MACROD2: variants seen among roughly 807,000 people sequenced by gnomAD.
MACROD2 encodes the protein mono-ADP ribosylhydrolase 2, also known as ADP-ribose glycohydrolase MACROD2.
Under a neutral mutation model 70.4 loss-of-function variants are expected in MACROD2, and 36 were observed. The ratio of observed to expected loss-of-function variants is 0.51; its 90% CI spans 0.39 to 0.68. The LOEUF (loss-of-function observed/expected upper bound fraction) is 0.68, where lower values mean the gene tolerates loss of function less well. MACROD2 is among the 30% of genes least tolerant of loss of function. MACROD2 has a pLI of 0.00. For missense variants in MACROD2, 496 were observed against 538.4 expected, an observed-to-expected ratio of 0.92 and a Z score of 0.78; for synonymous variants, 172 against 178.8, an observed-to-expected ratio of 0.96 and a Z score of 0.30.
At chr20:14,039,668 T>G (rs1303914014) in intron 2 of MACROD2, among the ~76,000 whole-genome samples, 1 of 152,130 alleles carries the variant, frequency 6.6e-6, no homozygotes, top group African/African-American at 2.4e-5. Context: ...AACATCCTGG[T>G]AAAAACATTA....
intron 3 of MACROD2, among the ~76,000 whole-genome samples, chr20:14,101,855 A>G (rs986195368): frequency 1.3e-5 from 2 of 151,804 alleles, no homozygotes; most frequent in Non-Finnish European, 2.9e-5. Context: ...GCAAATAGAC[A>G]AAATAAAACA....
intron 4 of MACROD2, among the ~76,000 whole-genome samples, chr20:14,501,509 G>A (rs1273079202): frequency 2.0e-5 from 3 of 151,204 alleles, no homozygotes; most frequent in Non-Finnish European, 4.4e-5. Flanking sequence ...AAAATTGTAT[G>A]TGTTGGTGTT....
At chr20:14,008,281 A>T (rs1292145579) in intron 2 of MACROD2, among the ~76,000 whole-genome samples, 1 of 152,238 alleles carries the variant, frequency 6.6e-6, no homozygotes, top group Non-Finnish European at 1.5e-5. Flanking sequence ...AAGTCTCAGG[A>T]TACAAAATAA....
intron 4 of MACROD2, chr20:14,547,179 C>T (rs545608717): frequency 3.8e-5 from 12 of 315,206 alleles, no homozygotes; most frequent in Admixed American, 9.2e-5. Flanking sequence ...GATGAGAGAG[C>T]CTGGCTCAAT....
chr20:15,239,516 A>C (rs1184455815), intron 6 of MACROD2, among the ~76,000 whole-genome samples: 1 of 152,182 alleles, frequency 6.6e-6, no homozygotes. Context: ...ATGTCTTATC[A>C]AAGTGGTATA....
At chr20:15,096,019 T>C (rs2075828851) in intron 5 of MACROD2, among the ~76,000 whole-genome samples, 2 of 152,050 alleles carry the variant, frequency 1.3e-5, no homozygotes, top group Admixed American at 6.5e-5. Context: ...TATCAATGAG[T>C]CTGTGATTAG....
At chr20:15,985,559 T>C (rs541895478) in intron 13 of MACROD2, among the ~76,000 whole-genome samples, 6 of 152,332 alleles carry the variant, frequency 3.9e-5, no homozygotes, top group African/African-American at 1.4e-4. Flanking sequence ...TCAGCCACTG[T>C]GTTAATCCTC....
chr20:14,967,990 T>C (rs992730616), intron 5 of MACROD2, among the ~76,000 whole-genome samples: 2 of 152,194 alleles, frequency 1.3e-5, no homozygotes, highest in Non-Finnish European at 2.9e-5. Context: ...ATAGGACAGT[T>C]ATTAATATTT....
intron 3 of MACROD2, among the ~76,000 whole-genome samples, chr20:14,361,625 T>A (rs717327): frequency 6.6e-6 from 1 of 152,024 alleles, no homozygotes; most frequent in Non-Finnish European, 1.5e-5. Flanking sequence ...GATTTCAGTC[T>A]CTGTAATGCA....
intron 7 of MACROD2, among the ~76,000 whole-genome samples, chr20:15,457,996 C>T (rs573161773): frequency 2.8e-4 from 42 of 151,524 alleles, no homozygotes; most frequent in East Asian, 5.8e-4. Context: ...TACCTAGGGC[C>T]GCATCTGATT....
At chr20:15,270,048 G>A (rs1017470907) in intron 6 of MACROD2, among the ~76,000 whole-genome samples, 6 of 152,024 alleles carry the variant, frequency 3.9e-5, no homozygotes, top group Non-Finnish European at 8.8e-5. Flanking sequence ...GAGTTGGGAG[G>A]CACTAATGTG....
intron 6 of MACROD2, among the ~76,000 whole-genome samples, chr20:15,240,949 T>G (rs1383173914): frequency 1.3e-5 from 2 of 152,186 alleles, no homozygotes; most frequent in African/African-American, 4.8e-5. Flanking sequence ...CCTCCAGAAC[T>G]GTGAGAAATA....
chr20:14,636,263 G>A (rs1051518291), intron 4 of MACROD2, among the ~76,000 whole-genome samples: 1 of 151,678 alleles, frequency 6.6e-6, no homozygotes. Context: ...TCAATGTCAC[G>A]CCCAAATATT....
intron 8 of MACROD2, among the ~76,000 whole-genome samples, chr20:15,787,525 C>T (rs1290766151): frequency 6.6e-6 from 1 of 151,946 alleles, no homozygotes; most frequent in Non-Finnish European, 1.5e-5. Flanking sequence ...CATGTGTACC[C>T]AATGTTTAGC....
chr20:14,269,362 A>C (rs567107272), intron 3 of MACROD2, among the ~76,000 whole-genome samples: 1 of 152,208 alleles, frequency 6.6e-6, no homozygotes, highest in Non-Finnish European at 1.5e-5. Context: ...TCATTTCAGA[A>C]TTGAAATGTT....
At chr20:14,213,169 A>G (rs1299316835) in intron 3 of MACROD2, among the ~76,000 whole-genome samples, 1 of 151,866 alleles carries the variant, frequency 6.6e-6, no homozygotes, top group Non-Finnish European at 1.5e-5. Context: ...ATGTGGGTCA[A>G]CATTTAAAGT....
chr20:15,658,108 T>G (rs1432656549), intron 8 of MACROD2, among the ~76,000 whole-genome samples: 1 of 152,136 alleles, frequency 6.6e-6, no homozygotes, highest in African/African-American at 2.4e-5. Context: ...GCTTGTTGCC[T>G]TGAGATTAAT....
chr20:15,152,188 A>G (rs2076274967), intron 5 of MACROD2, among the ~76,000 whole-genome samples: 1 of 152,026 alleles, frequency 6.6e-6, no homozygotes, highest in African/African-American at 2.4e-5. Context: ...TCAAGTTTGT[A>G]TTGGGGTCAA....
At chr20:15,250,827 T>C (rs1412217680) in intron 6 of MACROD2, among the ~76,000 whole-genome samples, 1 of 152,232 alleles carries the variant, frequency 6.6e-6, no homozygotes, top group East Asian at 1.9e-4. Context: ...ATGAGCTCCA[T>C]GAGGGTAGGG....
Sources: allele counts gnomAD v4.1 joint callset (sites outside exome capture counted in the v4.1 genomes callset), GRCh38; gene constraint gnomAD v4.1.1; transcripts MANE v1.5; gene names NCBI Gene and HGNC (gene_info 2026-07-23, HGNC 2026-07-21).